The following SLC8A1 variants were observed in gnomAD, a reference collection of about 807,000 sequenced individuals.
SLC8A1 encodes the protein solute carrier family 8 member A1, also known as sodium/calcium exchanger 1.
In SLC8A1, 18 loss-of-function variants were observed where a neutral mutation model predicts 68.3. That is an observed-to-expected ratio of 0.26 (90% confidence interval 0.18 to 0.39). SLC8A1 has a LOEUF of 0.39. SLC8A1 is among the 10% of genes least tolerant of loss of function. The pLI, the probability that SLC8A1 is intolerant of heterozygous loss-of-function variation, is 1.00. For missense variants in SLC8A1, 985 were observed against 1,156.7 expected, an observed-to-expected ratio of 0.85 and a Z score of 2.15; for synonymous variants, 475 against 415.5, an observed-to-expected ratio of 1.14 and a Z score of -1.74.
At chr2:40,118,607 GTTTTTTTTTTTTTTT>G (rs67851517) in intron 7 of SLC8A1, 24 of 74,714 alleles carry the variant, frequency 3.2e-4, no homozygotes, top group Non-Finnish European at 4.1e-4. Context: ...AAAAAAGGAA[GTTTTTTTTTTTTTTT>G]TTTTTTTTTT....
intron 2 of SLC8A1, among the ~76,000 whole-genome samples, chr2:40,267,571 G>T (rs2065503217): frequency 6.6e-6 from 1 of 152,146 alleles, no homozygotes; most frequent in Admixed American, 6.6e-5. Context: ...TATGTGTATT[G>T]ACTGTCTATC....
At chr2:40,138,748 G>C (rs2041001923) in intron 7 of SLC8A1, among the ~76,000 whole-genome samples, 1 of 152,146 alleles carries the variant, frequency 6.6e-6, no homozygotes, top group Non-Finnish European at 1.5e-5. Flanking sequence ...TTGGGAAGAT[G>C]ATGTCTTACT....
chr2:40,180,587 T>G (rs555903368), intron 2 of SLC8A1, among the ~76,000 whole-genome samples: 7 of 152,354 alleles, frequency 4.6e-5, no homozygotes, highest in African/African-American at 1.7e-4. Flanking sequence ...TACTGTTCTC[T>G]GCACTTGATG....
chr2:40,231,260 A>G (rs919977802), intron 2 of SLC8A1, among the ~76,000 whole-genome samples: 1 of 152,196 alleles, frequency 6.6e-6, no homozygotes, highest in Non-Finnish European at 1.5e-5. Context: ...TGAAGAGTGT[A>G]ATATATGTAT....
In SLC8A1 at chr2:40,382,360, T is replaced by C. The variant is rs145009989; in HGVS notation, c.1808+46113A>G. Among the ~76,000 whole-genome samples the C allele has an allele frequency of 5.3e-3, 804 of 151,238 alleles. 6 individuals are homozygous for C. Among genetic ancestry groups the C allele is most frequent in the Non-Finnish European group, 8.0e-3 (543 of 67,986 alleles). ...ACCTAGTAGGCGGTCTTCAGGTACA[T>C]CCAGATGGTAGAACTGCACATTTGC... On this transcript the variant is annotated intron_variant, in intron 2 of 7. Coordinates refer to ENST00000406785, the Ensembl canonical transcript of SLC8A1.
chr2:40,235,698 T>C (rs1046704183), intron 2 of SLC8A1, among the ~76,000 whole-genome samples: 63 of 151,832 alleles, frequency 4.1e-4, no homozygotes, highest in Non-Finnish European at 7.8e-4. Context: ...TGTTAGGGTG[T>C]CAATTTTGGA....
chr2:40,499,703 G>A (rs774311338), intron 1 of SLC8A1, among the ~76,000 whole-genome samples: 9 of 151,896 alleles, frequency 5.9e-5, no homozygotes, highest in African/African-American at 9.7e-5. Context: ...GTTGGTTATC[G>A]GACCAGCTCA....
At chr2:40,186,129 T>G (rs1248206754) in intron 2 of SLC8A1, among the ~76,000 whole-genome samples, 2 of 152,180 alleles carry the variant, frequency 1.3e-5, no homozygotes, top group Non-Finnish European at 2.9e-5. Context: ...TAAGGTATTA[T>G]GAAAATGTCA....
At chr2:40,413,497 T>C (rs1692835220) in intron 2 of SLC8A1, among the ~76,000 whole-genome samples, 1 of 152,160 alleles carries the variant, frequency 6.6e-6, no homozygotes. Flanking sequence ...TTTAAAATGA[T>C]CTATTTAAGA....
intron 2 of SLC8A1, among the ~76,000 whole-genome samples, chr2:40,212,086 T>C (rs2056680406): frequency 6.6e-6 from 1 of 152,054 alleles, no homozygotes; most frequent in African/African-American, 2.4e-5. Context: ...GAAAAATCCA[T>C]AAAGATTTTA....
chr2:40,507,351 A>G (rs1054333195), intron 1 of SLC8A1, among the ~76,000 whole-genome samples: 5 of 152,022 alleles, frequency 3.3e-5, no homozygotes, highest in African/African-American at 1.2e-4. Context: ...ATAATAATTT[A>G]ACTCTGACAT....
chr2:40,494,757 T>G (rs1031852728), intron 1 of SLC8A1, among the ~76,000 whole-genome samples: 4 of 149,440 alleles, frequency 2.7e-5, no homozygotes, highest in Non-Finnish European at 5.9e-5. Flanking sequence ...ATATCATTCA[T>G]TAATGGATGT....
chr2:40,237,936 C>T (rs1327075868), intron 2 of SLC8A1, among the ~76,000 whole-genome samples: 14 of 86,602 alleles, frequency 1.6e-4, no homozygotes, highest in African/African-American at 5.5e-4. Flanking sequence ...GGGTCAGGGA[C>T]CCACTTGGGG....
chr2:40,418,962 G>C (rs989997815), intron 2 of SLC8A1, among the ~76,000 whole-genome samples: 5 of 152,192 alleles, frequency 3.3e-5, no homozygotes, highest in African/African-American at 4.8e-5. Context: ...CCAGTGGCAA[G>C]AGCCCCATCA....
At chr2:40,153,534 G>A (rs1215814608) in intron 6 of SLC8A1, among the ~76,000 whole-genome samples, 1 of 152,198 alleles carries the variant, frequency 6.6e-6, no homozygotes, top group Non-Finnish European at 1.5e-5. Flanking sequence ...GATGGCAGCA[G>A]TGTTGCTCAT....
At position 40,145,785 on chromosome 2, in the gene SLC8A1, G is replaced by A. The variant is rs955026475; in HGVS notation, c.2162-6109C>T. ...AAGTGTGTATGCATGTGTATGTGACGCCATAAGGGCCAGCAGTTTTTACTG... is the reference window on the plus strand; with the variant it reads ...AAGTGTGTATGCATGTGTATGTGACACCATAAGGGCCAGCAGTTTTTACTG... On this transcript the variant is annotated intron_variant, in intron 6 of 7. Coordinates refer to ENST00000406785, the Ensembl canonical transcript of SLC8A1. Among the ~76,000 whole-genome samples, 6 of 152,152 alleles carry A rather than the reference G, an allele frequency of 3.9e-5. No individual in the cohort carries two copies. The South Asian group carries it at 6.2e-4, about 16-fold the overall frequency.
chr2:40,330,514 T>C (rs2076301826), intron 2 of SLC8A1, among the ~76,000 whole-genome samples: 1 of 152,160 alleles, frequency 6.6e-6, no homozygotes, highest in Non-Finnish European at 1.5e-5. Context: ...TAGTATTCCT[T>C]TATGTTTTCT....
At chr2:40,275,730 G>C (rs567454019) in intron 2 of SLC8A1, among the ~76,000 whole-genome samples, 3 of 152,332 alleles carry the variant, frequency 2.0e-5, no homozygotes, top group South Asian at 2.1e-4. Flanking sequence ...CATCACATGG[G>C]ATAATTATGT....
rs565801902 is a variant in SLC8A1 at position 40,220,448 on chromosome 2, C to T, written c.1809-42593G>A. ...CCATTTGGGTGCTTGTTGGGAAGGT[C>T]CTAAATTGAGCGGCCTTTGGGCACA... On this transcript the variant is annotated intron_variant, in intron 2 of 7. Transcript: ENST00000406785. 2.6e-5 allele frequency: 4 copies of T among 152,194 alleles called. No individual in the cohort carries two copies. In the South Asian group the frequency reaches 6.2e-4, roughly 24 times the overall value. The allele number at this position is 152,194 out of a possible 1,614,324, so 9.4% of individuals were successfully genotyped here.
Sources: allele counts gnomAD v4.1 joint callset (sites outside exome capture counted in the v4.1 genomes callset), GRCh38; gene constraint gnomAD v4.1.1; transcripts MANE v1.5; gene names NCBI Gene and HGNC (gene_info 2026-07-23, HGNC 2026-07-21).